UBR1: variants seen among roughly 807,000 people sequenced by gnomAD.
UBR1 encodes ubiquitin protein ligase E3 component n-recognin 1, also known as E3 ubiquitin-protein ligase UBR1.
A neutral mutation model predicts 242.1 loss-of-function variants in UBR1; 102 were observed. That is an observed-to-expected ratio of 0.42 (90% CI 0.36 to 0.50). The LOEUF is 0.50. Among genes scored for constraint, UBR1 ranks in the 20% least tolerant of loss-of-function variants. UBR1 has a pLI of 0.01. For synonymous variants in UBR1, 675 were observed against 684.8 expected, an observed-to-expected ratio of 0.99 and a Z score of 0.22; for missense variants, 1,772 against 2,101.8, an observed-to-expected ratio of 0.84 and a Z score of 3.07.
chr15:43,011,778 T>C (rs999026618), intron 29 of UBR1: 2 of 321,312 alleles, frequency 6.2e-6, no homozygotes, highest in Non-Finnish European at 1.2e-5. Flanking sequence ...GACTAAGTAC[T>C]TGCAGAGTTC....
intron 1 of UBR1, among the ~76,000 whole-genome samples, chr15:43,096,208 C>G (rs1264567213): frequency 1.3e-5 from 2 of 150,746 alleles, no homozygotes; most frequent in East Asian, 3.9e-4. Flanking sequence ...GAGTCTCACT[C>G]TATCCCTCAG....
In UBR1 at chr15:43,067,942, C is replaced by T; in HGVS notation, c.754G>A (p.Glu252Lys). 6.2e-7 allele frequency: 1 copy of T among 1,613,882 alleles called. No individual in the cohort carries two copies. The highest frequency in any genetic ancestry group is 2.2e-5 in the East Asian group (1 of 44,868). ...GTATGCAACTGGGCCTCTGCGAGCT[C>T]ACAGTCAAGAGCTCTTTGTAGGCTG... ...IYSLQRALDC[E>K]LAEAQLHTTA... Residue 252 changes from glutamate to lysine, a missense_variant, in exon 6 of 47, where the codon GAG (glutamate) becomes AAG (lysine). Glu to Lys is a moderately conservative substitution (Grantham distance 56). This residue lies in a region of UBR1 where 734 missense variants were observed against 893.3 expected (regional missense o/e 0.82). Coordinates refer to ENST00000290650, the MANE Select transcript of UBR1 (RefSeq NM_174916.3).
At chr15:43,071,565 A>G (rs532872841) in intron 4 of UBR1, among the ~76,000 whole-genome samples, 5 of 152,326 alleles carry the variant, frequency 3.3e-5, no homozygotes, top group African/African-American at 1.2e-4. Flanking sequence ...ACTGAACGCT[A>G]TATCTACACT....
intron 44 of UBR1, among the ~76,000 whole-genome samples, chr15:42,953,641 C>T (rs1182580816): frequency 2.0e-5 from 3 of 152,032 alleles, no homozygotes; most frequent in Non-Finnish European, 1.5e-5. Flanking sequence ...ATTAGACATC[C>T]TACAGAGGAA....
In UBR1 at chr15:42,998,226, T is replaced by G; in HGVS notation, c.3699A>C (p.Ala1233=). 6.2e-7 allele frequency: 1 copy of G among 1,614,016 alleles called. No homozygotes were observed. The highest frequency in any genetic ancestry group is 8.5e-7 in the Non-Finnish European group (1 of 1,179,986). Residue 1233 remains alanine, a synonymous_variant, in exon 33 of 47, where the codon GCA becomes GCC. Transcript: ENST00000290650. ...TGGCCAGAACAGTCTGTATCCACCG[T>G]GCCAGGGTCAAAAGTTGAGCAAGAG... ...ADALAQLLTL[A]RWIQTVLARI... is the part of the protein sequence containing the mutation.
intron 3 of UBR1, among the ~76,000 whole-genome samples, chr15:43,080,214 C>T (rs962877374): frequency 6.6e-6 from 1 of 152,142 alleles, no homozygotes; most frequent in African/African-American, 2.4e-5. Flanking sequence ...TTTACGGGCA[C>T]TGAAATTTTA....
intron 29 of UBR1, chr15:43,011,804 AC>A (rs2032926717): frequency 2.7e-6 from 1 of 370,288 alleles, no homozygotes; most frequent in Non-Finnish European, 5.5e-6. Flanking sequence ...GGAGACACAT[AC>A]AAAAAGATTC....
At chr15:43,066,561 C>T (rs8041432) in intron 6 of UBR1, among the ~76,000 whole-genome samples, 36,535 of 151,986 alleles carry the variant, frequency 0.24, 5,241 homozygotes, top group African/African-American at 0.4. Context: ...GCAGTATGGT[C>T]GTTTTTACAA....
intron 38 of UBR1, among the ~76,000 whole-genome samples, chr15:42,977,103 G>C (rs1351441168): frequency 6.6e-6 from 1 of 152,084 alleles, no homozygotes; most frequent in African/African-American, 2.4e-5. Flanking sequence ...ACTTATTGTA[G>C]GTCTAGGTAG....
chr15:42,964,859 G>A (rs938071304), intron 41 of UBR1, among the ~76,000 whole-genome samples: 1 of 152,184 alleles, frequency 6.6e-6, no homozygotes, highest in African/African-American at 2.4e-5. Context: ...TCCTCACAGA[G>A]AAGCATTCTA....
intron 46 of UBR1, among the ~76,000 whole-genome samples, chr15:42,947,482 G>A (rs2031757095): frequency 2.0e-5 from 3 of 152,094 alleles, no homozygotes; most frequent in African/African-American, 4.8e-5. Flanking sequence ...TAGGAAAAGA[G>A]GAAGTCAAAT....
rs34568456 is a variant in UBR1 at position 43,043,277 on chromosome 15, T to C, written c.1787A>G (p.Lys596Arg). Residue 596 changes from lysine to arginine, a missense_variant, in exon 15 of 47, where the codon AAG becomes AGG. Coordinates refer to ENST00000290650, the MANE Select transcript of UBR1 (RefSeq NM_174916.3). ...VQSCGHSLET[K>R]SYRVSEDLVS... Reference sequence around the variant, plus strand: ...AAGATCCTCAGATACTCTGTAGGACTTTGTTTCCAAACTATGTCCACACGA... The same window carrying C: ...AAGATCCTCAGATACTCTGTAGGACCTTGTTTCCAAACTATGTCCACACGA... 1.9e-6 allele frequency: 3 copies of C among 1,614,138 alleles called. No individual in the cohort carries two copies.
At chr15:42,995,941 G>A (rs1353145148) in intron 33 of UBR1, among the ~76,000 whole-genome samples, 1 of 152,072 alleles carries the variant, frequency 6.6e-6, no homozygotes, top group Non-Finnish European at 1.5e-5. Flanking sequence ...CTCCACAACT[G>A]CCCCATATTC....
chr15:43,020,188 C>T (rs1411355217), intron 27 of UBR1, among the ~76,000 whole-genome samples: 1 of 151,978 alleles, frequency 6.6e-6, no homozygotes, highest in Non-Finnish European at 1.5e-5. Context: ...TACAGGTGTG[C>T]CCCACCATGC....
chr15:43,046,801 A>G lies in UBR1; in HGVS notation c.1668+360T>C, dbSNP rs1596117706. On this transcript the variant is annotated intron_variant, in intron 14 of 46. Coordinates refer to ENST00000290650, the MANE Select transcript of UBR1 (RefSeq NM_174916.3). ...CTATAGTTTGAAACTAACACATACA[A>G]CAAAGCTCTTGAATGAATAATCTAC... Among the ~76,000 whole-genome samples, 4 of 152,324 alleles carry G rather than the reference A, an allele frequency of 2.6e-5. No homozygotes were observed. The South Asian group carries it at 8.3e-4, about 32-fold the overall frequency.
chr15:42,986,395 C>T (rs1473977493), intron 35 of UBR1, among the ~76,000 whole-genome samples: 4 of 152,202 alleles, frequency 2.6e-5, no homozygotes, highest in Non-Finnish European at 5.9e-5. Flanking sequence ...AGATTCAGCT[C>T]TATCAGCAGT....
intron 14 of UBR1, among the ~76,000 whole-genome samples, chr15:43,046,002 G>T (rs1481830664): frequency 6.6e-6 from 1 of 152,226 alleles, no homozygotes; most frequent in Non-Finnish European, 1.5e-5. Context: ...TTACCAAATG[G>T]ATCCTCTGTG....
At position 43,054,896 on chromosome 15, in the gene UBR1, G is replaced by A. The variant is rs1162709779; in HGVS notation, c.1285C>T (p.Arg429Ter). The change falls in exon 12 of 47, where the codon CGA becomes TGA. Residue 429 changes from arginine to a stop codon, truncating the protein, a stop_gained. Transcript: ENST00000290650. LOFTEE classifies it high-confidence loss of function. ...ACATTCTGCTCTTCAATAAGATGTC[G>A]AGCCTGCGGAATATTTCAAGAATAT... is the stretch of plus-strand genomic sequence containing the variant. ...VQMFTVPTLA[R>*]HLIEEQNVIS... 3 of 1,613,994 alleles carry A rather than the reference G, an allele frequency of 1.9e-6. No homozygotes were observed. Among genetic ancestry groups the A allele is most frequent in the Non-Finnish European group, 2.5e-6 (3 of 1,180,000 alleles).
intron 1 of UBR1, among the ~76,000 whole-genome samples, chr15:43,091,580 G>T (rs1251555936): frequency 6.6e-6 from 1 of 152,012 alleles, no homozygotes. Flanking sequence ...GAACACTACT[G>T]AAGGCTACTA....
Sources: allele counts gnomAD v4.1 joint callset (sites outside exome capture counted in the v4.1 genomes callset), GRCh38; gene constraint gnomAD v4.1.1; regional missense constraint gnomAD v4.1.1; transcripts MANE v1.5; gene names NCBI Gene and HGNC (gene_info 2026-07-23, HGNC 2026-07-21).